The following LPIN1 variants were observed in gnomAD, a reference collection of about 807,000 sequenced individuals.
LPIN1 encodes the protein phosphatidate phosphatase LPIN1.
A neutral mutation model predicts 107.5 loss-of-function variants in LPIN1; 71 were observed. That is an observed-to-expected ratio of 0.66 (90% CI 0.55 to 0.80). LPIN1 has a LOEUF of 0.80. Among genes scored for constraint, LPIN1 ranks in the 30% least tolerant of loss-of-function variants. The pLI is 0.00. For synonymous variants in LPIN1, 445 were observed against 452.6 expected (o/e 0.98, Z 0.21); for missense variants, 1,043 against 1,160.6 (o/e 0.90, Z 1.47).
intron 17 of LPIN1, among the ~76,000 whole-genome samples, chr2:11,811,485 G>C (rs1198508483): frequency 6.6e-6 from 1 of 152,186 alleles, no homozygotes; most frequent in African/African-American, 2.4e-5. Flanking sequence ...GTTTAGTCAG[G>C]CAAGAAGGCT....
intron 1 of LPIN1, among the ~76,000 whole-genome samples, chr2:11,759,791 G>A (rs1490390075): frequency 6.5e-5 from 5 of 76,380 alleles, no homozygotes; most frequent in Non-Finnish European, 1.1e-4. Context: ...CCTCCCGGAC[G>A]GGGCGGCTGG....
In LPIN1 at chr2:11,768,967, C is replaced by CA. The variant is rs899142889; in HGVS notation, c.288+1117dup. ...CAAAAAAAAAGAAACCAAAAAAACC[C>CA]AAAAAAAACCAACTTGGGTTGTTTC... On this transcript the variant is annotated intron_variant, in intron 3 of 20. Coordinates refer to ENST00000674199, the MANE Select transcript of LPIN1 (RefSeq NM_001349206.2). Among the ~76,000 whole-genome samples the CA allele has an allele frequency of 3.7e-4, 56 of 151,668 alleles. 1 individual carries two copies. The highest frequency in any genetic ancestry group is 2.1e-4 in the South Asian group (1 of 4,796).
At chr2:11,757,043 C>A (rs1668789286) in intron 1 of LPIN1, among the ~76,000 whole-genome samples, 1 of 152,184 alleles carries the variant, frequency 6.6e-6, no homozygotes, top group African/African-American at 2.4e-5. Context: ...AGTTTTCCAT[C>A]AAAAACATTT....
intron 1 of LPIN1, among the ~76,000 whole-genome samples, chr2:11,758,154 G>C (rs970139811): frequency 7.9e-5 from 12 of 152,100 alleles, no homozygotes; most frequent in Non-Finnish European, 1.8e-4. Context: ...ACCGCATTTT[G>C]CTTTTCCATT....
intron 7 of LPIN1, 135 bp from the exon 8 acceptor site, chr2:11,782,066 T>C: frequency 1.4e-6 from 1 of 721,798 alleles, no homozygotes; most frequent in Admixed American, 2.2e-5. Context: ...GGTATAGAAA[T>C]CACCAGGTGA....
chr2:11,807,147 G>A (rs537181328), intron 17 of LPIN1, among the ~76,000 whole-genome samples: 4 of 152,294 alleles, frequency 2.6e-5, no homozygotes, highest in African/African-American at 9.6e-5. Context: ...GGGAAGTCCC[G>A]CTGTAAAGTA....
At chr2:11,815,459 G>C (rs894576267) in intron 18 of LPIN1, among the ~76,000 whole-genome samples, 8 of 152,130 alleles carry the variant, frequency 5.3e-5, no homozygotes, top group African/African-American at 1.9e-4. Flanking sequence ...TTGGCGCTTG[G>C]TGGCTCCTCA....
chr2:11,784,947 TC>T lies in LPIN1; in HGVS notation c.1424del (p.Pro475ArgfsTer20), dbSNP rs1451842317. ...SDNGARSANQ[S>X]PQSVGSSGVD... The stretch of plus-strand genomic sequence containing the variant: ...CAACGGAGCCCGGTCAGCCAACCAG[TC>T]CCCGCAGTCGGTGGGCAGCTCGGGC... On this transcript the variant is annotated frameshift_variant, in exon 10 of 21. Transcript: ENST00000674199. LOFTEE classifies it high-confidence loss of function. 20 of 1,613,768 alleles carry T rather than the reference TC, an allele frequency of 1.2e-5. No individual in the cohort carries two copies. Among genetic ancestry groups the T allele is most frequent in the Non-Finnish European group, 1.6e-5 (19 of 1,180,022 alleles).
exon 2 of LPIN1, chr2:11,741,427 G>C: frequency 1.3e-6 from 2 of 1,548,564 alleles, no homozygotes; most frequent in Non-Finnish European, 1.7e-6. Flanking sequence ...TCCATGAGCA[G>C]AGTAAGCACT....
intron 1 of LPIN1, among the ~76,000 whole-genome samples, chr2:11,727,667 A>G (rs1010727409): frequency 2.0e-5 from 3 of 152,226 alleles, no homozygotes; most frequent in African/African-American, 7.2e-5. Context: ...TCTATATTTT[A>G]AAGTCCACGA....
intron 1 of LPIN1, among the ~76,000 whole-genome samples, chr2:11,751,098 C>G (rs757573525): frequency 6.6e-6 from 1 of 152,226 alleles, no homozygotes; most frequent in Admixed American, 6.5e-5. Flanking sequence ...ATTTAGATGT[C>G]TACACCCACC....
chr2:11,757,153 TG>T (rs1668807769), intron 1 of LPIN1, among the ~76,000 whole-genome samples: 1 of 152,226 alleles, frequency 6.6e-6, no homozygotes, highest in Admixed American at 6.5e-5. Flanking sequence ...TCAGTAGGTT[TG>T]AAAGGAATTT....
chr2:11,798,903 A>C (rs1447118461), intron 14 of LPIN1, among the ~76,000 whole-genome samples: 2 of 152,200 alleles, frequency 1.3e-5, no homozygotes, highest in Admixed American at 1.3e-4. Flanking sequence ...CGTTTGAAAA[A>C]CGTACACTGA....
intron 4 of LPIN1, among the ~76,000 whole-genome samples, chr2:11,773,249 G>T (rs1478674109): frequency 6.6e-6 from 1 of 152,172 alleles, no homozygotes; most frequent in Non-Finnish European, 1.5e-5. Context: ...ACCTGGCAGG[G>T]GTTTTATACC....
chr2:11,728,954 G>A (rs968298675), intron 1 of LPIN1, among the ~76,000 whole-genome samples: 5 of 152,142 alleles, frequency 3.3e-5, no homozygotes, highest in Non-Finnish European at 7.3e-5. Context: ...TAGGTTGCCC[G>A]TTCACTCTGA....
chr2:11,794,956 A>G (rs942912436), intron 13 of LPIN1, among the ~76,000 whole-genome samples: 1 of 152,222 alleles, frequency 6.6e-6, no homozygotes, highest in Non-Finnish European at 1.5e-5. Flanking sequence ...AGGATTTTCT[A>G]TTAAGAGTAT....
chr2:11,819,556 C>T lies in LPIN1; in HGVS notation c.2475C>T (p.Pro825=). The part of the protein sequence containing the change: ...CLTDIKNLFF[P]NTEPFYAAFG... ...CAGACATCAAAAACCTGTTTTTCCC[C>T]AACACAGAACCCTTTTATGCTGCTT... The change falls in exon 19 of 21, where the codon CCC becomes CCT. Residue 825 remains proline, a synonymous_variant. Coordinates refer to ENST00000674199, the MANE Select transcript of LPIN1 (RefSeq NM_001349206.2). The T allele has an allele frequency of 6.2e-7, 1 of 1,614,026 alleles. No individual in the cohort carries two copies. The highest frequency in any genetic ancestry group is 8.5e-7 in the Non-Finnish European group (1 of 1,179,928).
intron 1 of LPIN1, among the ~76,000 whole-genome samples, chr2:11,699,182 C>A (rs1662737940): frequency 6.6e-6 from 1 of 152,154 alleles, no homozygotes; most frequent in African/African-American, 2.4e-5. Context: ...CCCAGGGAAA[C>A]CAAAAGATGG....
At chr2:11,683,661 G>T (rs1260560404) in intron 1 of LPIN1, among the ~76,000 whole-genome samples, 1 of 152,202 alleles carries the variant, frequency 6.6e-6, no homozygotes, top group African/African-American at 2.4e-5. Flanking sequence ...AGAAGATGGG[G>T]CGTGGCTTCC....
Sources: allele counts gnomAD v4.1 joint callset (sites outside exome capture counted in the v4.1 genomes callset), GRCh38; gene constraint gnomAD v4.1.1; transcripts MANE v1.5; gene names NCBI Gene and HGNC (gene_info 2026-07-23, HGNC 2026-07-21).